The following PIEZO2 variants were observed in gnomAD, a reference collection of about 807,000 sequenced individuals.
The protein encoded by PIEZO2 is piezo-type mechanosensitive ion channel component 2.
PIEZO2 carries 172 observed loss-of-function variants against 337.3 expected under a neutral mutation model. The observed-to-expected ratio is 0.51, with a 90% CI of 0.45 to 0.58. PIEZO2 has a LOEUF of 0.58. Among genes scored for constraint, PIEZO2 ranks in the 20% least tolerant of loss-of-function variants. The pLI is 0.00. For missense variants in PIEZO2, 3,028 were observed against 3,391.3 expected (o/e 0.89, Z 2.66); for synonymous variants, 1,251 against 1,228.5 (o/e 1.02, Z -0.38).
chr18:10,885,627 C>G (rs376464591), intron 4 of PIEZO2, among the ~76,000 whole-genome samples: 1 of 152,078 alleles, frequency 6.6e-6, no homozygotes, highest in Admixed American at 6.6e-5. Context: ...TTGAAAGGTA[C>G]CACGGTCAGG....
rs1292706815 is a variant in PIEZO2 at position 11,128,699 on chromosome 18, C to T, written c.64+19826G>A. Among the ~76,000 whole-genome samples the T allele has an allele frequency of 1.3e-5, 2 of 152,116 alleles. No individual in the cohort carries two copies. Among genetic ancestry groups the T allele is most frequent in the Admixed American group, 6.6e-5 (1 of 15,266 alleles). ...ATGTTGATTCTCCTCAGAAGCCTCC[C>T]CCAACACCTCTGTTTGCTTCTAGAC... On this transcript the variant is annotated intron_variant, in intron 1 of 55. Transcript: ENST00000674853. This position sits in a 1 kb window ranked among gnomAD's most constrained non-coding sequence, Gnocchi z 4.1.
chr18:10,864,501 A>T (rs975999678), intron 5 of PIEZO2, among the ~76,000 whole-genome samples: 7 of 152,226 alleles, frequency 4.6e-5, no homozygotes, highest in African/African-American at 9.6e-5. Flanking sequence ...TGATTTTTTT[A>T]AAAAAGGACA....
At chr18:10,796,652 C>A (rs973985658) in intron 12 of PIEZO2, among the ~76,000 whole-genome samples, 1 of 152,140 alleles carries the variant, frequency 6.6e-6, no homozygotes, top group Non-Finnish European at 1.5e-5. Context: ...GTATAAATAT[C>A]CCATGAAAAA....
At chr18:10,679,768 G>T (rs890053844) in intron 52 of PIEZO2, among the ~76,000 whole-genome samples, 1 of 152,316 alleles carries the variant, frequency 6.6e-6, no homozygotes, top group Middle Eastern at 3.4e-3. Context: ...TAATAGTGCT[G>T]TAAGTGATGC....
At position 10,752,859 on chromosome 18, in the gene PIEZO2, T is replaced by C. The variant is rs1343442947; in HGVS notation, c.3944A>G (p.Lys1315Arg). The C allele has an allele frequency of 6.5e-7, 1 of 1,536,776 alleles. No individual in the cohort carries two copies. The highest frequency in any genetic ancestry group is 1.2e-5 in the South Asian group (1 of 84,034). Reference sequence around the variant, plus strand: ...GAAGAGGTAGCTGAAGATGATCACTTTGGACATGTCTAAGTAAGATCTGGA... The same window carrying C: ...GAAGAGGTAGCTGAAGATGATCACTCTGGACATGTCTAAGTAAGATCTGGA... ...IHCRSYLDMS[K>R]VIIFSYLFWF... The change falls in exon 28 of 56, where the codon AAA becomes AGA. Residue 1315 changes from lysine to arginine, a missense_variant. Around this residue, in one of 5 missense-constraint regions of PIEZO2, gnomAD observed 1,925 missense variants for 2,051.9 expected, o/e 0.94. Coordinates refer to ENST00000674853, the MANE Select transcript of PIEZO2 (RefSeq NM_001378183.1).
chr18:11,060,586 T>G (rs1281484078), intron 2 of PIEZO2, among the ~76,000 whole-genome samples: 3 of 152,056 alleles, frequency 2.0e-5, no homozygotes, highest in African/African-American at 7.2e-5. Flanking sequence ...TCACCACCGA[T>G]CCCACGGAAA....
chr18:10,931,715 A>T (rs4796910), intron 3 of PIEZO2, among the ~76,000 whole-genome samples: 6,904 of 33,046 alleles, frequency 0.21, 237 homozygotes, highest in African/African-American at 0.42. Context: ...TGTGTGTGTG[A>T]GAGAGAGAGA....
Position 10,731,491 on chromosome 18 carries a change from T to C in PIEZO2, c.4945A>G (p.Lys1649Glu), listed in dbSNP as rs1567996219. 1 of 1,533,966 alleles carries C rather than the reference T, an allele frequency of 6.5e-7. No homozygotes were observed. The highest frequency in any genetic ancestry group is 8.7e-7 in the Non-Finnish European group (1 of 1,145,344). ...TTGTGTCTTTGTCGGAGTGCTGTTT[T>C]AGGATCAGTAATCCAGGCTTGATAA... ...FVYQAWITDP[K>E]TALRQRHKEK... Residue 1649 changes from lysine (K) to glutamate (E), a missense_variant, in exon 36 of 56, where the codon AAA (lysine) becomes GAA (glutamate). Coordinates refer to ENST00000674853, the MANE Select transcript of PIEZO2 (RefSeq NM_001378183.1).
rs143270733 is a variant in PIEZO2, at chr18:10,755,640, G to C, written c.3923+2329C>G. 3.3e-5 allele frequency among the ~76,000 whole-genome samples: 5 copies of C among 152,296 alleles called. 1 individual carries two copies. In the East Asian group the frequency reaches 9.7e-4, roughly 30 times the overall value. On this transcript the variant is annotated intron_variant, in intron 27 of 55. Coordinates refer to ENST00000674853, the MANE Select transcript of PIEZO2 (RefSeq NM_001378183.1). ...CACGGTTTAAGCACAAATACTGTGA[G>C]GGAAACATGGCCCAGATCAGCTGTC...
Position 10,818,483 on chromosome 18 carries a change from G to A in PIEZO2, c.918-11209C>T, listed in dbSNP as rs117830645. On this transcript the variant is annotated intron_variant, in intron 7 of 55. Transcript: ENST00000674853. ...GGAAGTATCAAAATGATTTACTCTA[G>A]ATGAATTCGAGCACAGAGACAGCCT... Among the ~76,000 whole-genome samples the A allele has an allele frequency of 6.8e-3, 1,031 of 152,234 alleles. 11 individuals are homozygous for A. Among genetic ancestry groups the A allele is most frequent in the Non-Finnish European group, 0.011 (770 of 68,000 alleles).
intron 37 of PIEZO2, among the ~76,000 whole-genome samples, chr18:10,717,452 C>T (rs2143905305): frequency 6.6e-6 from 1 of 152,300 alleles, no homozygotes; most frequent in East Asian, 1.9e-4. Context: ...TGACGCCTGG[C>T]CTGCTGATAG....
intron 2 of PIEZO2, among the ~76,000 whole-genome samples, chr18:11,043,252 C>T (rs921302207): frequency 3.3e-5 from 5 of 151,250 alleles, no homozygotes; most frequent in African/African-American, 1.2e-4. Context: ...CGCACACACA[C>T]ACACACACAC....
chr18:11,056,402 G>A (rs1225537577), intron 2 of PIEZO2, among the ~76,000 whole-genome samples: 1 of 152,204 alleles, frequency 6.6e-6, no homozygotes, highest in Non-Finnish European at 1.5e-5. Flanking sequence ...CTCACAGAGA[G>A]AAGAGCCTCG....
At position 10,943,804 on chromosome 18, in the gene PIEZO2, G is replaced by A. The variant is rs917158686; in HGVS notation, c.287-32576C>T. On this transcript the variant is annotated intron_variant, in intron 3 of 55. Coordinates refer to ENST00000674853, the MANE Select transcript of PIEZO2 (RefSeq NM_001378183.1). The surrounding 1 kb of genome is among the most constrained non-coding windows in gnomAD (Gnocchi z 4.5). ...TGTCTCCATACAGAGATATGTGAGA[G>A]TTGCAGAAGGGACCCGGTGGGAGAT... Among the ~76,000 whole-genome samples the A allele has an allele frequency of 6.6e-6, 1 of 152,168 alleles. No homozygotes were observed. Among genetic ancestry groups the A allele is most frequent in the Non-Finnish European group, 1.5e-5 (1 of 68,016 alleles).
intron 14 of PIEZO2, 98 bp from the exon 15 acceptor site, chr18:10,789,463 C>A: frequency 7.5e-7 from 1 of 1,334,576 alleles, no homozygotes; most frequent in African/African-American, 1.5e-5. Flanking sequence ...CATGCATTTT[C>A]TAAGTTATTG....
chr18:10,697,772 T>G lies in PIEZO2; in HGVS notation c.6803A>C (p.Lys2268Thr). ...YMEKLQEHLI[K>T]AKAFTIKKTL... ...CTTCTTTATGGTAAAGGCTTTTGCT[T>G]TGATTAAATGTTCTTGAAGCTTTTC... The change falls in exon 45 of 56, where the codon AAA (lysine) becomes ACA (threonine). Residue 2268 changes from lysine to threonine, a missense_variant. Transcript: ENST00000674853. 1.2e-6 allele frequency: 2 copies of G among 1,614,160 alleles called. No individual in the cohort carries two copies. The highest frequency in any genetic ancestry group is 1.7e-6 in the Non-Finnish European group (2 of 1,180,044).
chr18:10,707,385 GC>G lies in PIEZO2; in HGVS notation c.5588+889del, dbSNP rs1186165826. Among the ~76,000 whole-genome samples the G allele has an allele frequency of 6.6e-6, 1 of 152,040 alleles. No individual in the cohort carries two copies. The highest frequency in any genetic ancestry group is 1.5e-5 in the Non-Finnish European group (1 of 68,016). ...GCCCGCCAGAGGACTTTGTCAAATG[GC>G]CAAGGCATTCCCATCAATGCCAGGT... On this transcript the variant is annotated intron_variant, in intron 40 of 55. Coordinates refer to ENST00000674853, the MANE Select transcript of PIEZO2 (RefSeq NM_001378183.1). This position sits in a 1 kb window ranked among gnomAD's most constrained non-coding sequence, Gnocchi z 4.2.
chr18:10,680,819 C>A (rs762456161), intron 51 of PIEZO2, among the ~76,000 whole-genome samples: 1 of 152,002 alleles, frequency 6.6e-6, no homozygotes, highest in Non-Finnish European at 1.5e-5. Context: ...GATAATTTTA[C>A]AGAAGAAAGA....
chr18:10,884,623 C>A (rs982017855), intron 4 of PIEZO2, among the ~76,000 whole-genome samples: 5 of 152,144 alleles, frequency 3.3e-5, no homozygotes, highest in African/African-American at 1.2e-4. Flanking sequence ...TATAAGGACA[C>A]CATTAACGAC....
Sources: allele counts gnomAD v4.1 joint callset (sites outside exome capture counted in the v4.1 genomes callset), GRCh38; gene constraint gnomAD v4.1.1; regional missense constraint gnomAD v4.1.1; non-coding constraint Gnocchi (gnomAD v3.1); transcripts MANE v1.5; gene names NCBI Gene and HGNC (gene_info 2026-07-23, HGNC 2026-07-21).